SLC35F5: variants seen among roughly 807,000 people sequenced by gnomAD.
The protein encoded by SLC35F5 is solute carrier family 35 member F5.
Under a neutral mutation model 68.6 loss-of-function variants are expected in SLC35F5, and 54 were observed. The ratio of observed to expected loss-of-function variants is 0.79; its 90% CI spans 0.63 to 0.99. The LOEUF (loss-of-function observed/expected upper bound fraction) is 0.99. Among genes scored for constraint, SLC35F5 ranks in the 50% least tolerant of loss-of-function variants. The pLI is 0.00. For missense variants in SLC35F5, 567 were observed against 626.9 expected, an observed-to-expected ratio of 0.90 and a Z score of 1.02; for synonymous variants, 211 against 205.2, an observed-to-expected ratio of 1.03 and a Z score of -0.24.
At chr2:113,742,540 C>A (rs2104462237) in intron 7 of SLC35F5, 152 bp downstream of exon 7, 2 of 703,682 alleles carry the variant, frequency 2.8e-6, no homozygotes, top group Non-Finnish European at 4.7e-6. Context: ...AATTTTGATA[C>A]CCTAACTTCC....
chr2:113,729,366 G>T (rs1488638152), intron 11 of SLC35F5, 35 bp downstream of exon 11: 1 of 1,105,912 alleles, frequency 9.0e-7, no homozygotes, highest in Admixed American at 2.3e-5. Flanking sequence ...TAATCATTTA[G>T]AGTAAATAGC....
At chr2:113,755,750 G>A in intron 1 of SLC35F5, 3 of 1,139,926 alleles carry the variant, frequency 2.6e-6, no homozygotes, top group Non-Finnish European at 3.9e-6. Flanking sequence ...CGCGATACGG[G>A]GCGGGCAGGG....
In SLC35F5 at chr2:113,708,473, G is replaced by A. The variant is rs1418753339; in HGVS notation, c.*6745C>T. Among the ~76,000 whole-genome samples, 1 of 152,124 alleles carries A rather than the reference G, an allele frequency of 6.6e-6. No homozygotes were observed. Among genetic ancestry groups the A allele is most frequent in the African/African-American group, 2.4e-5 (1 of 41,422 alleles). On this transcript the variant is annotated 3_prime_UTR_variant, in exon 16 of 16. Transcript: ENST00000245680. ...TAATCCCAGCACTTTGGGAGGCCGA[G>A]GCGTGTAGATCACTTGAGGTCAAGA...
In SLC35F5 at chr2:113,713,521, T is replaced by C. The variant is rs1197934322; in HGVS notation, c.*1697A>G. ...GAACAGCAAAAACAAAAAGTAGAGG[T>C]ATCTAGATTATAAACTTCAACCAAA... On this transcript the variant is annotated 3_prime_UTR_variant, in exon 16 of 16. Transcript: ENST00000245680. The C allele has an allele frequency of 6.6e-6, 1 of 152,150 alleles. No homozygotes were observed. The highest frequency in any genetic ancestry group is 2.4e-5 in the African/African-American group (1 of 41,436). 9.4% of individuals were successfully genotyped at this position (152,150 alleles called of 1,614,324 possible). A position where few individuals can be genotyped will look rare whatever the true frequency, so the allele number is the denominator to read the frequency against.
At chr2:113,744,934 C>A (rs1676428139) in intron 5 of SLC35F5, among the ~76,000 whole-genome samples, 1 of 152,078 alleles carries the variant, frequency 6.6e-6, no homozygotes, top group South Asian at 2.1e-4. Flanking sequence ...ATTTAAGGTA[C>A]AAATCTCCAA....
rs7592689 is a variant in SLC35F5, at chr2:113,756,521, A to C, written c.-112T>G. 777,267 of 1,500,090 alleles carry C rather than the reference A, an allele frequency of 0.52. 206,952 individuals are homozygous for C. The highest frequency in any genetic ancestry group is 0.61 in the Middle Eastern group (2,619 of 4,286). 92.9% of individuals were successfully genotyped at this position (1,500,090 alleles called of 1,614,324 possible). On this transcript the variant is annotated 5_prime_UTR_variant, in exon 1 of 16. Coordinates refer to ENST00000245680, the MANE Select transcript of SLC35F5 (RefSeq NM_025181.5). ...CGCACTGGAGGCCCAGCTCCTGAAGACGCGGTGCCCCTCAGGGAGAGGCTC... is the reference window on the plus strand; with the variant it reads ...CGCACTGGAGGCCCAGCTCCTGAAGCCGCGGTGCCCCTCAGGGAGAGGCTC...
intron 3 of SLC35F5, among the ~76,000 whole-genome samples, chr2:113,751,186 C>A (rs1469551723): frequency 6.6e-6 from 1 of 151,996 alleles, no homozygotes; most frequent in Non-Finnish European, 1.5e-5. Flanking sequence ...AGTTATCCTG[C>A]CCTTGGGGAG....
intron 4 of SLC35F5, among the ~76,000 whole-genome samples, chr2:113,746,679 A>C (rs1448428999): frequency 1.3e-5 from 2 of 152,092 alleles, no homozygotes; most frequent in African/African-American, 4.8e-5. Flanking sequence ...TTAAAAAGGC[A>C]AGTAACAGGC....
intron 10 of SLC35F5, among the ~76,000 whole-genome samples, chr2:113,730,031 G>C (rs1355785880): frequency 6.6e-6 from 1 of 152,050 alleles, no homozygotes; most frequent in Non-Finnish European, 1.5e-5. Flanking sequence ...TTTCTAATCG[G>C]CTGTATTTCT....
At chr2:113,735,709 T>C (rs1688063348) in intron 8 of SLC35F5, 68 bp downstream of exon 8, 2 of 1,004,294 alleles carry the variant, frequency 2.0e-6, no homozygotes, top group Non-Finnish European at 3.0e-6. Context: ...GTTGTACATG[T>C]ACACACATAT....
At chr2:113,742,540 C>T in intron 7 of SLC35F5, 152 bp downstream of exon 7, 1 of 703,680 alleles carries the variant, frequency 1.4e-6, no homozygotes, top group Non-Finnish European at 2.3e-6. Context: ...AATTTTGATA[C>T]CCTAACTTCC....
intron 13 of SLC35F5, among the ~76,000 whole-genome samples, chr2:113,721,678 C>A (rs1409440177): frequency 6.6e-6 from 1 of 151,972 alleles, no homozygotes; most frequent in Non-Finnish European, 1.5e-5. Context: ...GTTTCACAAC[C>A]AGTTTGGTTC....
intron 7 of SLC35F5, among the ~76,000 whole-genome samples, chr2:113,736,759 A>C: frequency 6.6e-6 from 1 of 152,332 alleles, no homozygotes; most frequent in Middle Eastern, 3.4e-3. Context: ...CTTTGGATAC[A>C]GTGAAGGAAG....
In SLC35F5 at chr2:113,711,492, A is replaced by G. The variant is rs1459540891; in HGVS notation, c.*3726T>C. 6.6e-6 allele frequency among the ~76,000 whole-genome samples: 1 copy of G among 150,448 alleles called. No homozygotes were observed. Among genetic ancestry groups the G allele is most frequent in the Non-Finnish European group, 1.5e-5 (1 of 67,370 alleles). On this transcript the variant is annotated 3_prime_UTR_variant, in exon 16 of 16. Coordinates refer to ENST00000245680, the MANE Select transcript of SLC35F5 (RefSeq NM_025181.5). ...AATACTGTATTATTAGTTATTGTAC[A>G]GGCAAATGAGGCTGTTACTATAAAA... is the stretch of plus-strand genomic sequence containing the variant.
chr2:113,722,479 A>G (rs1687483944), intron 13 of SLC35F5, among the ~76,000 whole-genome samples: 1 of 152,146 alleles, frequency 6.6e-6, no homozygotes, highest in Admixed American at 6.6e-5. Flanking sequence ...ATAAATGGCT[A>G]TGCTCCATCT....
In SLC35F5 at chr2:113,755,306, T is replaced by C; in HGVS notation, c.132A>G (p.Arg44=). The C allele has an allele frequency of 6.2e-7, 1 of 1,613,782 alleles. No individual in the cohort carries two copies. Among genetic ancestry groups the C allele is most frequent in the Non-Finnish European group, 8.5e-7 (1 of 1,179,766 alleles). ...LEDLRRALKT[R]LQMVCVFVMN... is the part of the protein sequence containing the mutation. The stretch of plus-strand genomic sequence containing the variant: ...TGACAAATACACACACCATTTGCAG[T>C]CTGTTTTTTAGAAAATACAGATCAC... Residue 44 remains arginine, a splice_region_variant and synonymous_variant, in exon 3 of 16, where the codon AGA becomes AGG. Transcript: ENST00000245680.
intron 13 of SLC35F5, 157 bp from the exon 14 acceptor site, chr2:113,719,465 A>C (rs991227556): frequency 3.5e-6 from 2 of 567,004 alleles, no homozygotes. Context: ...ATTATTATTA[A>C]ATAAGAATTC....
At chr2:113,751,202 C>T (rs111227256) in intron 3 of SLC35F5, among the ~76,000 whole-genome samples, 5 of 152,114 alleles carry the variant, frequency 3.3e-5, no homozygotes, top group African/African-American at 9.7e-5. Context: ...GGGAGCTTAA[C>T]ATCTAATAGA....
At position 113,756,331 on chromosome 2, in the gene SLC35F5, G is replaced by C; in HGVS notation, c.40+39C>G. 4 of 1,558,484 alleles carry C rather than the reference G, an allele frequency of 2.6e-6. No individual in the cohort carries two copies. The East Asian group carries it at 9.7e-5, about 38-fold the overall frequency. On this transcript the variant is annotated intron_variant, in intron 1 of 15. Transcript: ENST00000245680. ...GCTGGTGGGCACTCCGTCCCGGTTT[G>C]GGCTCCGGTGATGTCGGGGCCCTTC...
Sources: allele counts gnomAD v4.1 joint callset (sites outside exome capture counted in the v4.1 genomes callset), GRCh38; gene constraint gnomAD v4.1.1; transcripts MANE v1.5; gene names NCBI Gene and HGNC (gene_info 2026-07-23, HGNC 2026-07-21).